The following NRP1 variants were observed in gnomAD, a reference collection of about 807,000 sequenced individuals.
NRP1 encodes neuropilin-1.
A neutral mutation model predicts 106.7 loss-of-function variants in NRP1; 35 were observed. The observed-to-expected ratio is 0.33, with a 90% CI of 0.25 to 0.43. NRP1 has a LOEUF of 0.43. Among genes scored for constraint, NRP1 ranks in the 20% least tolerant of loss-of-function variants. The pLI is 1.00. For missense variants in NRP1, 1,024 were observed against 1,170.4 expected (o/e 0.87, Z 1.83); for synonymous variants, 437 against 417.9 (o/e 1.05, Z -0.56).
At chr10:33,183,287 C>T (rs2474731) in intron 15 of NRP1, among the ~76,000 whole-genome samples, 23,330 of 148,172 alleles carry the variant, frequency 0.16, 2,382 homozygotes, top group African/African-American at 0.3. Flanking sequence ...CCCTGGGTGA[C>T]GGAAGCAAGA....
intron 2 of NRP1, among the ~76,000 whole-genome samples, chr10:33,317,921 C>A (rs904414342): frequency 2.6e-5 from 4 of 152,164 alleles, no homozygotes; most frequent in African/African-American, 9.7e-5. Context: ...TGCCTTGGTG[C>A]TTTTGAAATA....
intron 2 of NRP1, among the ~76,000 whole-genome samples, chr10:33,296,742 A>G (rs1468820741): frequency 1.3e-5 from 2 of 152,130 alleles, no homozygotes; most frequent in Non-Finnish European, 2.9e-5. Context: ...TAATAATCCA[A>G]TTTAGGCTGG....
At chr10:33,196,136 T>G (rs1023349204) in intron 12 of NRP1, among the ~76,000 whole-genome samples, 1 of 152,130 alleles carries the variant, frequency 6.6e-6, no homozygotes, top group Non-Finnish European at 1.5e-5. Context: ...CTGATAGAAC[T>G]TTCCATTTTC....
intron 12 of NRP1, among the ~76,000 whole-genome samples, chr10:33,196,064 A>G (rs1010392139): frequency 2.0e-5 from 3 of 152,114 alleles, no homozygotes; most frequent in Non-Finnish European, 4.4e-5. Context: ...TGTTAACAAA[A>G]CCGCTCCTGC....
intron 2 of NRP1, among the ~76,000 whole-genome samples, chr10:33,308,809 A>G (rs143728088): frequency 6.6e-6 from 1 of 152,256 alleles, no homozygotes; most frequent in African/African-American, 2.4e-5. Context: ...TAAAAAATGC[A>G]TATTTCTAAA....
At chr10:33,334,049 A>G (rs1888684) in intron 1 of NRP1, among the ~76,000 whole-genome samples, 133,721 of 152,246 alleles carry the variant, frequency 0.88, 58,916 homozygotes, top group East Asian at 0.99. Flanking sequence ...GGGAAGGTAG[A>G]CAGCTCTGTC....
Position 33,213,389 on chromosome 10 carries a change from C to A in NRP1, c.1611G>T (p.Ala537=). ...KMIMDDSKRK[A]KSFEGNNNYD... ...CCTCCCAGTCCCCAGCCCTCACCTT[C>A]GCCTTGCGTTTGCTGTCATCCATGA... Residue 537 remains alanine (A), a synonymous_variant, in exon 9 of 17, where the codon GCG becomes GCT. Transcript: ENST00000374867. 2.5e-6 allele frequency: 4 copies of A among 1,614,058 alleles called. No individual in the cohort carries two copies. The highest frequency in any genetic ancestry group is 3.4e-6 in the Non-Finnish European group (4 of 1,180,026).
chr10:33,282,665 A>C (rs891678814), intron 2 of NRP1, among the ~76,000 whole-genome samples: 1 of 152,222 alleles, frequency 6.6e-6, no homozygotes, highest in African/African-American at 2.4e-5. Context: ...AAAATAGTTG[A>C]AGAAAAATGG....
chr10:33,200,915 G>A (rs1459760755), intron 11 of NRP1: 1 of 152,192 alleles, frequency 6.6e-6, no homozygotes, highest in Non-Finnish European at 1.5e-5. Context: ...GCTTCTTCTT[G>A]ATGGAGGTGT....
intron 7 of NRP1, among the ~76,000 whole-genome samples, chr10:33,225,821 T>C (rs969363583): frequency 2.8e-4 from 42 of 152,194 alleles, no homozygotes; most frequent in African/African-American, 8.9e-4. Context: ...CCCAAATTCC[T>C]AAGGTTCTAA....
chr10:33,314,705 A>G (rs193198674), intron 2 of NRP1, among the ~76,000 whole-genome samples: 108 of 152,294 alleles, frequency 7.1e-4, no homozygotes, highest in Non-Finnish European at 1.0e-3. Context: ...GCAGCAGTGG[A>G]ATCCTCTCAT....
intron 2 of NRP1, among the ~76,000 whole-genome samples, chr10:33,278,734 T>A (rs563579500): frequency 1.3e-5 from 2 of 152,172 alleles, no homozygotes; most frequent in African/African-American, 2.4e-5. Flanking sequence ...TATATCATAC[T>A]GAGATGACCA....
intron 2 of NRP1, among the ~76,000 whole-genome samples, chr10:33,293,214 T>C (rs1461291001): frequency 6.6e-6 from 1 of 152,248 alleles, no homozygotes; most frequent in East Asian, 1.9e-4. Context: ...AATATTAACT[T>C]GAACACAATG....
At chr10:33,330,928 T>C in intron 1 of NRP1, 46 bp from the exon 2 acceptor site, 9 of 1,467,294 alleles carry the variant, frequency 6.1e-6, no homozygotes, top group Non-Finnish European at 8.4e-6. Context: ...GACAACCTGT[T>C]AGGTAATCTA....
intron 6 of NRP1, among the ~76,000 whole-genome samples, chr10:33,242,904 G>C (rs7920577): frequency 0.013 from 1,998 of 152,272 alleles, 35 homozygotes; most frequent in African/African-American, 0.045. Flanking sequence ...TTCTGGGTTA[G>C]TATTATGGCC....
At chr10:33,322,882 TTTCCTCA>T (rs1223809808) in intron 2 of NRP1, among the ~76,000 whole-genome samples, 2 of 152,194 alleles carry the variant, frequency 1.3e-5, no homozygotes, top group African/African-American at 2.4e-5. Flanking sequence ...TTCATGAGAA[TTTCCTCA>T]TTCAAAAAGC....
At chr10:33,305,525 T>C (rs1846087836) in intron 2 of NRP1, among the ~76,000 whole-genome samples, 1 of 151,828 alleles carries the variant, frequency 6.6e-6, no homozygotes, top group South Asian at 2.1e-4. Flanking sequence ...AGTGAGGGGA[T>C]CGTTGTCTCG....
intron 2 of NRP1, among the ~76,000 whole-genome samples, chr10:33,273,195 T>C (rs1843440180): frequency 6.6e-6 from 1 of 152,114 alleles, no homozygotes; most frequent in Non-Finnish European, 1.5e-5. Context: ...AGGAATACTA[T>C]AGTTACATTT....
Position 33,270,774 on chromosome 10 carries a change from G to A in NRP1, c.331C>T (p.Pro111Ser). ...GKFCGKIAPP[P>S]VVSSGPFLFI... is the part of the protein sequence containing the mutation. ...AGAAATGGCCCTGAAGACACAACAG[G>A]AGGAGGGGCTATCTTTCCACAGAAC... Residue 111 changes from proline to serine, a missense_variant, in exon 3 of 17, where the codon CCT becomes TCT. Pro to Ser is a moderately conservative substitution (Grantham distance 74). Around this residue, in one of 5 missense-constraint regions of NRP1, gnomAD observed 279 missense variants for 327.4 expected, o/e 0.85. Transcript: ENST00000374867. The A allele has an allele frequency of 1.2e-6, 2 of 1,613,926 alleles. No individual in the cohort carries two copies. The highest frequency in any genetic ancestry group is 2.2e-5 in the East Asian group (1 of 44,886).
Sources: gnomAD v4.1 joint callset for allele counts (sites outside exome capture counted in the v4.1 genomes callset) on GRCh38, gnomAD v4.1.1 for gene constraint, gnomAD v4.1.1 regional missense constraint, MANE v1.5 for transcripts, NCBI Gene and HGNC (gene_info 2026-07-23, HGNC 2026-07-21) for gene names.